SEZ6: variants seen among roughly 807,000 people sequenced by gnomAD.
SEZ6 encodes the protein seizure related 6 homolog.
Under a neutral mutation model 101.0 loss-of-function variants are expected in SEZ6, and 53 were observed. That is an observed-to-expected ratio of 0.52 (90% CI 0.42 to 0.66). The LOEUF (loss-of-function observed/expected upper bound fraction) is 0.66. Ranked by LOEUF, SEZ6 falls within the 30% of genes least tolerant of loss-of-function variation. The probability of loss-of-function intolerance (pLI) is 0.00; values close to 1 mark genes in which losing one functional copy is unlikely to be tolerated. For missense variants in SEZ6, 1,102 were observed against 1,289.4 expected (o/e 0.85, Z 2.23); for synonymous variants, 488 against 512.2 (o/e 0.95, Z 0.64).
chr17:28,981,961 G>T lies in SEZ6; in HGVS notation c.134C>A (p.Ala45Asp), dbSNP rs773025027. 5 of 1,613,296 alleles carry T rather than the reference G, an allele frequency of 3.1e-6. No individual in the cohort carries two copies. In the African/African-American group the frequency reaches 4.0e-5, roughly 13 times the overall value. ...TCGTTCTGGCTGCTCAGGTGTGGGG[G>T]CTGCTGTCAGCTCGCCATCTGTCTC... ...IEETDGELTA[A>D]PTPEQPERGV... The change falls in exon 2 of 17, where the codon GCC becomes GAC. Residue 45 changes from alanine (A) to aspartate (D), a missense_variant. Coordinates refer to ENST00000317338, the MANE Select transcript of SEZ6 (RefSeq NM_178860.5).
chr17:28,997,050 G>T (rs529095613), intron 1 of SEZ6, among the ~76,000 whole-genome samples: 2 of 152,040 alleles, frequency 1.3e-5, no homozygotes, highest in African/African-American at 2.4e-5. Flanking sequence ...AGCATCACTC[G>T]ACCTGAGCAA....
chr17:28,982,179 A>T lies in SEZ6; in HGVS notation c.56-140T>A. The T allele has an allele frequency of 3.6e-6, 5 of 1,406,014 alleles. No homozygotes were observed. The South Asian group carries it at 8.1e-5, about 23-fold the overall frequency. 87.1% of individuals were successfully genotyped at this position (1,406,014 alleles called of 1,614,324 possible). On this transcript the variant is annotated intron_variant, in intron 1 of 16. Transcript: ENST00000317338. ...GCTCACTGCTGAGAATCACGGAACTACAGAATTTGTGAACTGGAAGTGAGG... is the reference window on the plus strand; with the variant it reads ...GCTCACTGCTGAGAATCACGGAACTTCAGAATTTGTGAACTGGAAGTGAGG...
At chr17:28,980,473 C>T (rs951644599) in intron 2 of SEZ6, among the ~76,000 whole-genome samples, 2 of 151,542 alleles carry the variant, frequency 1.3e-5, no homozygotes, top group African/African-American at 4.9e-5. Context: ...GGGTTCACGC[C>T]ATTCTCCTGC....
chr17:28,983,484 T>C (rs962188580), intron 1 of SEZ6, among the ~76,000 whole-genome samples: 6 of 152,138 alleles, frequency 3.9e-5, no homozygotes, highest in African/African-American at 1.4e-4. Flanking sequence ...TACCAATCAA[T>C]GAGATTGGCT....
chr17:28,981,432 A>G lies in SEZ6; in HGVS notation c.663T>C (p.Asp221=), dbSNP rs1175746629. The G allele has an allele frequency of 4.5e-6, 7 of 1,557,924 alleles. No homozygotes were observed. Among genetic ancestry groups the G allele is most frequent in the South Asian group, 1.2e-5 (1 of 84,648 alleles). Residue 221 remains aspartate (D), a synonymous_variant, in exon 2 of 17, where the codon GAT becomes GAC. Coordinates refer to ENST00000317338, the MANE Select transcript of SEZ6 (RefSeq NM_178860.5). The part of the protein sequence containing the change: ...TITSSTASGD[D]EETTTTTTII... Reference sequence around the variant, plus strand: ...TGGTGGTGGTAGTGGTGGTCTCCTCATCATCTCCTGAAGCTGTGGAGGAGG... The same window carrying G: ...TGGTGGTGGTAGTGGTGGTCTCCTCGTCATCTCCTGAAGCTGTGGAGGAGG...
At chr17:28,972,238 A>G (rs939317946) in intron 3 of SEZ6, among the ~76,000 whole-genome samples, 3 of 152,240 alleles carry the variant, frequency 2.0e-5, no homozygotes, top group Non-Finnish European at 2.9e-5. Flanking sequence ...CCAGGGTGGC[A>G]TGTTGGGTCA....
chr17:28,958,455 A>T (rs772996040), intron 10 of SEZ6, among the ~76,000 whole-genome samples: 1 of 152,192 alleles, frequency 6.6e-6, no homozygotes, highest in Non-Finnish European at 1.5e-5. Flanking sequence ...TGTCAGAAAG[A>T]TAGAAGCCAG....
At chr17:28,986,667 C>T (rs768285263) in intron 1 of SEZ6, among the ~76,000 whole-genome samples, 1 of 152,194 alleles carries the variant, frequency 6.6e-6, no homozygotes, top group Non-Finnish European at 1.5e-5. Context: ...GCTGGCTTGC[C>T]CCTTCAGCGC....
At position 28,986,568 on chromosome 17, in the gene SEZ6, G is replaced by A. The variant is rs527508727; in HGVS notation, c.56-4529C>T. On this transcript the variant is annotated intron_variant, in intron 1 of 16. Coordinates refer to ENST00000317338, the MANE Select transcript of SEZ6 (RefSeq NM_178860.5). ...GCCCAGGAGCTTGCCCAGGTTCACA[G>A]TGGTGGTGTGCGGTGGAGCTGGAGT... is the stretch of plus-strand genomic sequence containing the variant. 2.6e-3 allele frequency among the ~76,000 whole-genome samples: 394 copies of A among 152,338 alleles called. 1 individual carries two copies. Among genetic ancestry groups the A allele is most frequent in the South Asian group, 0.019 (92 of 4,830 alleles).
At chr17:28,960,468 G>A (rs778793424) in intron 7 of SEZ6, 37 bp downstream of exon 7, 16 of 1,568,584 alleles carry the variant, frequency 1.0e-5, no homozygotes, top group Non-Finnish European at 1.4e-5. Context: ...CCATCCCCGT[G>A]GACCCGCCAC....
intron 1 of SEZ6, among the ~76,000 whole-genome samples, chr17:28,996,242 T>A (rs2041537330): frequency 1.3e-5 from 2 of 151,966 alleles, no homozygotes; most frequent in South Asian, 4.2e-4. Context: ...GGCTCTGCCC[T>A]TAGGGACTTG....
At chr17:28,963,622 G>T (rs561411788) in intron 5 of SEZ6, among the ~76,000 whole-genome samples, 1 of 152,266 alleles carries the variant, frequency 6.6e-6, no homozygotes, top group East Asian at 1.9e-4. Context: ...AAGAATGATT[G>T]CGCCCTTGCC....
At position 29,005,712 on chromosome 17, in the gene SEZ6, G is replaced by T; in HGVS notation, c.55+103C>A. 1.6e-6 allele frequency: 2 copies of T among 1,237,882 alleles called. No homozygotes were observed. The highest frequency in any genetic ancestry group is 2.2e-6 in the Non-Finnish European group (2 of 929,988). 76.7% of individuals were successfully genotyped at this position (1,237,882 alleles called of 1,614,324 possible). On this transcript the variant is annotated intron_variant, in intron 1 of 16. Coordinates refer to ENST00000317338, the MANE Select transcript of SEZ6 (RefSeq NM_178860.5). This position sits in a 1 kb window ranked among gnomAD's most constrained non-coding sequence, Gnocchi z 4.8. Reference sequence around the variant, plus strand: ...CGCAGCCGGCGGGGCGCGGTGCTTGGACTGGGCAGCCAGATGCCCGAAGCT... The same window carrying T: ...CGCAGCCGGCGGGGCGCGGTGCTTGTACTGGGCAGCCAGATGCCCGAAGCT...
At chr17:28,960,771 C>T in intron 6 of SEZ6, 34 bp downstream of exon 6, 1 of 1,612,822 alleles carries the variant, frequency 6.2e-7, no homozygotes, top group Non-Finnish European at 8.5e-7. Flanking sequence ...ATTACCAGGC[C>T]AGGCACTCCC....
At chr17:28,963,802 C>T in intron 5 of SEZ6, 160 bp downstream of exon 5, 2 of 770,268 alleles carry the variant, frequency 2.6e-6, no homozygotes, top group Non-Finnish European at 4.3e-6. Flanking sequence ...CTGGTAGATG[C>T]TCAATAAGTG....
chr17:29,003,152 A>C (rs967133852), intron 1 of SEZ6, among the ~76,000 whole-genome samples: 2 of 152,242 alleles, frequency 1.3e-5, no homozygotes, highest in African/African-American at 4.8e-5. Context: ...AATTAGGAGA[A>C]TGACTAAAGG....
intron 1 of SEZ6, among the ~76,000 whole-genome samples, chr17:28,985,821 T>C (rs1435957752): frequency 6.6e-6 from 1 of 152,220 alleles, no homozygotes; most frequent in Non-Finnish European, 1.5e-5. Flanking sequence ...GCGACCACCT[T>C]CAAGGCCCTG....
intron 1 of SEZ6, among the ~76,000 whole-genome samples, chr17:28,992,360 G>A (rs750597239): frequency 2.0e-5 from 3 of 152,156 alleles, no homozygotes; most frequent in Admixed American, 6.5e-5. Flanking sequence ...ATGTGTGCAC[G>A]TGCGTGTGTG....
intron 3 of SEZ6, among the ~76,000 whole-genome samples, chr17:28,971,542 G>T (rs751406905): frequency 6.6e-6 from 1 of 151,934 alleles, no homozygotes; most frequent in East Asian, 1.9e-4. Flanking sequence ...GCGGTGAGCC[G>T]AGATCGCGCC....
Sources: gnomAD v4.1 joint callset for allele counts (sites outside exome capture counted in the v4.1 genomes callset) on GRCh38, gnomAD v4.1.1 for gene constraint, Gnocchi (gnomAD v3.1) non-coding constraint, MANE v1.5 for transcripts, NCBI Gene and HGNC (gene_info 2026-07-23, HGNC 2026-07-21) for gene names.